The following VAV2 variants were observed in gnomAD, a reference collection of about 807,000 sequenced individuals.
VAV2 encodes the protein guanine nucleotide exchange factor VAV2.
VAV2 carries 67 observed loss-of-function variants against 132.5 expected under a neutral mutation model. That is an observed-to-expected ratio of 0.51 (90% CI 0.42 to 0.62). The LOEUF (loss-of-function observed/expected upper bound fraction) is 0.62. VAV2 is among the 20% of genes least tolerant of loss of function. The probability of loss-of-function intolerance (pLI) is 0.00; values close to 1 mark genes in which losing one functional copy is unlikely to be tolerated. For synonymous variants in VAV2, 492 were observed against 443.5 expected (o/e 1.11, Z -1.37); for missense variants, 938 against 1,153.6 (o/e 0.81, Z 2.71).
intron 1 of VAV2, among the ~76,000 whole-genome samples, chr9:133,950,165 G>C (rs1448142795): frequency 6.6e-6 from 1 of 152,222 alleles, no homozygotes; most frequent in East Asian, 1.9e-4. Context: ...GCACAGGCAG[G>C]CAGGGCCAGG....
chr9:133,805,875 C>T lies in VAV2; in HGVS notation c.836+206G>A, dbSNP rs185244915. Among the ~76,000 whole-genome samples, 271 of 152,346 alleles carry T rather than the reference C, an allele frequency of 1.8e-3. 1 individual carries two copies. Among genetic ancestry groups the T allele is most frequent in the African/African-American group, 6.3e-3 (262 of 41,582 alleles). On this transcript the variant is annotated intron_variant, in intron 9 of 29. Coordinates refer to ENST00000371850, the MANE Select transcript of VAV2 (RefSeq NM_001134398.2). Reference sequence around the variant, plus strand: ...CAATCCTGCCCCTGCCGAGCTCCCACAGGACAGGAGGCTCCACACCCTCTC... The same window carrying T: ...CAATCCTGCCCCTGCCGAGCTCCCATAGGACAGGAGGCTCCACACCCTCTC...
intron 2 of VAV2, among the ~76,000 whole-genome samples, chr9:133,878,030 C>T (rs1458843256): frequency 2.0e-5 from 3 of 152,230 alleles, no homozygotes; most frequent in African/African-American, 7.2e-5. Flanking sequence ...ACACCCCCCA[C>T]TATTTCTCCC....
chr9:133,912,947 C>T lies in VAV2; in HGVS notation c.321+26156G>A, dbSNP rs572441772. 8.5e-5 allele frequency among the ~76,000 whole-genome samples: 13 copies of T among 152,326 alleles called. No individual in the cohort carries two copies. Among genetic ancestry groups the T allele is most frequent in the South Asian group, 6.2e-4 (3 of 4,824 alleles). ...ATCCAACTTCAGCCAGCACAGTCCA[C>T]GGGCGGTGGAGTGCCATTTGGAACC... On this transcript the variant is annotated intron_variant, in intron 2 of 29. Transcript: ENST00000371850. This position sits in a 1 kb window ranked among gnomAD's most constrained non-coding sequence, Gnocchi z 4.3.
At chr9:133,793,962 GA>G (rs1448950112) in intron 12 of VAV2, among the ~76,000 whole-genome samples, 1 of 152,150 alleles carries the variant, frequency 6.6e-6, no homozygotes, top group Non-Finnish European at 1.5e-5. Context: ...GTTTCATGAT[GA>G]GGTTCGGTGG....
chr9:133,903,825 G>A (rs149151923), intron 2 of VAV2, among the ~76,000 whole-genome samples: 10 of 152,306 alleles, frequency 6.6e-5, no homozygotes, highest in East Asian at 1.9e-4. Flanking sequence ...ACTGAGACCC[G>A]GAGAGGGCTC....
In VAV2 at chr9:133,770,378, C is replaced by G; in HGVS notation, c.2347G>C (p.Ala783Pro). ...TGTGCCGGCTGGGCCGGGGCGTTAC[C>G]TGGGGACCGGCTGGAGGCCCTGGAG... is the stretch of plus-strand genomic sequence containing the variant. ...SASRASSRSP[A>P]SCASYNFSFL... The change falls in exon 27 of 30, where the codon GCT becomes CCT. Residue 783 changes from alanine to proline, a missense_variant and splice_region_variant. Physicochemically the swap from Ala to Pro is conservative, Grantham distance 27. Coordinates refer to ENST00000371850, the MANE Select transcript of VAV2 (RefSeq NM_001134398.2). The G allele has an allele frequency of 6.2e-7, 1 of 1,613,982 alleles. No individual in the cohort carries two copies. The highest frequency in any genetic ancestry group is 8.5e-7 in the Non-Finnish European group (1 of 1,179,914).
chr9:133,809,909 C>T (rs1049586013), intron 6 of VAV2, among the ~76,000 whole-genome samples: 3 of 152,182 alleles, frequency 2.0e-5, no homozygotes, highest in East Asian at 3.9e-4. Flanking sequence ...TGACCCACAG[C>T]GCTCGTGTCG....
At chr9:133,811,514 T>A (rs1835357105) in intron 5 of VAV2, among the ~76,000 whole-genome samples, 1 of 152,198 alleles carries the variant, frequency 6.6e-6, no homozygotes, top group East Asian at 1.9e-4. Context: ...CAGGTCCCTG[T>A]CTCCTCATTC....
chr9:133,963,912 T>C (rs1458027442), intron 1 of VAV2, among the ~76,000 whole-genome samples: 1 of 151,426 alleles, frequency 6.6e-6, no homozygotes, highest in East Asian at 1.9e-4. Context: ...AAATGGAAAG[T>C]ATAGCACAGC....
rs1436367965 is a variant in VAV2 at position 133,826,260 on chromosome 9, G to T, written c.449+8012C>A. On this transcript the variant is annotated intron_variant, in intron 4 of 29. Transcript: ENST00000371850. This position sits in a 1 kb window ranked among gnomAD's most constrained non-coding sequence, Gnocchi z 4.2. ...TTGAAAGGAAAGGAAAGGCCAGCTA[G>T]ACCTTGGGCCCTGGTGACCCGCCAC... Among the ~76,000 whole-genome samples the T allele has an allele frequency of 6.6e-6, 1 of 152,206 alleles. No homozygotes were observed. The highest frequency in any genetic ancestry group is 1.5e-5 in the Non-Finnish European group (1 of 68,036).
At chr9:133,797,341 T>C (rs1246061673) in intron 10 of VAV2, among the ~76,000 whole-genome samples, 2 of 150,392 alleles carry the variant, frequency 1.3e-5, no homozygotes, top group Non-Finnish European at 2.9e-5. Context: ...GCCCTGGGCC[T>C]GGGGTGAGGA....
At position 133,791,810 on chromosome 9, in the gene VAV2, G is replaced by A. The variant is rs373038750; in HGVS notation, c.1161C>T (p.Ser387=). The change falls in exon 13 of 30, where the codon AGC becomes AGT. Residue 387 remains serine, a synonymous_variant. Transcript: ENST00000371850. Reference sequence around the variant, plus strand: ...AATTTTCTATAGAACTCTGAAATTCGCTGATTTTCCTCAAGGTCTCCTTGT... The same window carrying A: ...AATTTTCTATAGAACTCTGAAATTCACTGATTTTCCTCAAGGTCTCCTTGT... ...KRDKETLRKI[S]EFQSSIENLQ... The A allele has an allele frequency of 6.4e-5, 103 of 1,613,992 alleles. No individual in the cohort carries two copies. Among genetic ancestry groups the A allele is most frequent in the Middle Eastern group, 1.6e-4 (1 of 6,084 alleles).
intron 1 of VAV2, among the ~76,000 whole-genome samples, chr9:133,952,912 A>G (rs1841612099): frequency 6.7e-6 from 1 of 149,172 alleles, no homozygotes; most frequent in African/African-American, 2.5e-5. Flanking sequence ...ACTGACACCT[A>G]GAACCTGGAG....
chr9:133,868,470 C>T (rs1160716845), intron 2 of VAV2, among the ~76,000 whole-genome samples: 2 of 152,186 alleles, frequency 1.3e-5, no homozygotes, highest in Non-Finnish European at 1.5e-5. Context: ...ACAGTGTCTA[C>T]CCGTGTGGCT....
intron 19 of VAV2, among the ~76,000 whole-genome samples, chr9:133,781,497 G>A (rs1313799242): frequency 2.0e-5 from 3 of 152,148 alleles, no homozygotes; most frequent in Non-Finnish European, 2.9e-5. Context: ...GGGGTGGGGG[G>A]CAGCTGGACG....
At position 133,912,416 on chromosome 9, in the gene VAV2, G is replaced by A. The variant is rs1190816382; in HGVS notation, c.321+26687C>T. ...GAGCCGGAGGCTTCTGGAGGACAGT[G>A]TGCCTAGATGAAGGAACCAGGACGC... On this transcript the variant is annotated intron_variant, in intron 2 of 29. Coordinates refer to ENST00000371850, the MANE Select transcript of VAV2 (RefSeq NM_001134398.2). The surrounding 1 kb of genome is among the most constrained non-coding windows in gnomAD (Gnocchi z 4.3). 2.0e-5 allele frequency among the ~76,000 whole-genome samples: 3 copies of A among 152,180 alleles called. No homozygotes were observed. The highest frequency in any genetic ancestry group is 4.4e-5 in the Non-Finnish European group (3 of 68,030).
chr9:133,794,507 C>A lies in VAV2; in HGVS notation c.1101+1161G>T, dbSNP rs545109744. On this transcript the variant is annotated intron_variant, in intron 12 of 29. Coordinates refer to ENST00000371850, the MANE Select transcript of VAV2 (RefSeq NM_001134398.2). The surrounding 1 kb of genome is among the most constrained non-coding windows in gnomAD (Gnocchi z 4.6). ...TGGCCCCACTCCCGTCCCAGCCCAA[C>A]AGCAGCTATAGACAGAGACAGATTA... is the stretch of plus-strand genomic sequence containing the variant. Among the ~76,000 whole-genome samples the A allele has an allele frequency of 6.2e-4, 95 of 152,340 alleles. No homozygotes were observed. Among genetic ancestry groups the A allele is most frequent in the African/African-American group, 2.0e-3 (85 of 41,576 alleles).
intron 2 of VAV2, among the ~76,000 whole-genome samples, chr9:133,888,486 C>T (rs972248670): frequency 6.6e-6 from 1 of 152,186 alleles, no homozygotes; most frequent in Non-Finnish European, 1.5e-5. Flanking sequence ...GACAGGCAGG[C>T]CCAGACATGT....
intron 2 of VAV2, among the ~76,000 whole-genome samples, chr9:133,866,930 C>T (rs1217396519): frequency 2.0e-5 from 3 of 151,884 alleles, no homozygotes; most frequent in African/African-American, 7.2e-5. Flanking sequence ...GCGGGAACTC[C>T]GGGCCGCACA....
Sources: gnomAD v4.1 joint callset for allele counts (sites outside exome capture counted in the v4.1 genomes callset) on GRCh38, gnomAD v4.1.1 for gene constraint, Gnocchi (gnomAD v3.1) non-coding constraint, MANE v1.5 for transcripts, NCBI Gene and HGNC (gene_info 2026-07-23, HGNC 2026-07-21) for gene names.